The following PAMR1 variants were observed in gnomAD, a reference collection of about 807,000 sequenced individuals.
PAMR1 encodes peptidase domain containing associated with muscle regeneration 1, also known as inactive serine protease PAMR1.
A neutral mutation model predicts 81.8 loss-of-function variants in PAMR1; 88 were observed. The ratio of observed to expected loss-of-function variants is 1.08; its 90% confidence interval spans 0.91 to 1.28. The LOEUF (loss-of-function observed/expected upper bound fraction) is 1.28. PAMR1 is among the 50% of genes most tolerant of loss of function. The pLI, the probability that PAMR1 is intolerant of heterozygous loss-of-function variation, is 0.00. For synonymous variants in PAMR1, 336 were observed against 345.3 expected (o/e 0.97, Z 0.30); for missense variants, 935 against 919.7 (o/e 1.02, Z -0.21).
chr11:35,446,086 T>C (rs1856285620), intron 6 of PAMR1, among the ~76,000 whole-genome samples: 1 of 152,244 alleles, frequency 6.6e-6, no homozygotes, highest in South Asian at 2.1e-4. Flanking sequence ...CAGGAATTTA[T>C]CCATTTATCC....
intron 2 of PAMR1, among the ~76,000 whole-genome samples, chr11:35,492,970 C>G (rs1850657860): frequency 6.6e-6 from 1 of 152,224 alleles, no homozygotes; most frequent in South Asian, 2.1e-4. Context: ...ATTGTTTAAG[C>G]TTTCAGTGAC....
intron 3 of PAMR1, among the ~76,000 whole-genome samples, chr11:35,489,383 C>A (rs755479489): frequency 6.6e-6 from 1 of 152,168 alleles, no homozygotes; most frequent in East Asian, 1.9e-4. Flanking sequence ...TTCAGTGAGT[C>A]TTGAGTCCTG....
rs1201562087 is a variant in PAMR1 at position 35,458,311 on chromosome 11, C to T, written c.820+9690G>A. ...CTTTTAATCTCTATCCCATCTAATG[C>T]TCTATTTTTTTATTGTTCTTGTTCA... is the stretch of plus-strand genomic sequence containing the variant. On this transcript the variant is annotated intron_variant, in intron 6 of 10. Transcript: ENST00000619888. Among the ~76,000 whole-genome samples, 36 of 152,060 alleles carry T rather than the reference C, an allele frequency of 2.4e-4. 2 individuals are homozygous for T. Among genetic ancestry groups the T allele is most frequent in the Admixed American group, 2.4e-3 (36 of 15,264 alleles).
intron 2 of PAMR1, among the ~76,000 whole-genome samples, chr11:35,493,493 G>A (rs556509263): frequency 4.0e-5 from 6 of 151,814 alleles, no homozygotes; most frequent in East Asian, 1.9e-4. Context: ...TTCTCCTGCC[G>A]GACTGTGCTA....
intron 3 of PAMR1, among the ~76,000 whole-genome samples, chr11:35,478,980 C>A (rs1203109659): frequency 6.6e-6 from 1 of 152,152 alleles, no homozygotes; most frequent in Non-Finnish European, 1.5e-5. Flanking sequence ...GCTGGATAGT[C>A]CCTGCTTCTA....
Position 35,515,658 on chromosome 11 carries a change from A to G in PAMR1, c.73+9855T>C, listed in dbSNP as rs140487451. Among the ~76,000 whole-genome samples, 287 of 152,300 alleles carry G rather than the reference A, an allele frequency of 1.9e-3. 1 individual carries two copies. Among genetic ancestry groups the G allele is most frequent in the Middle Eastern group, 0.014 (4 of 292 alleles). On this transcript the variant is annotated intron_variant, in intron 1 of 10. Transcript: ENST00000619888. ...TCATTAGCCCAGAACCACCTGTTCT[A>G]TAAGACATTATCCCTCACATGCCTA...
chr11:35,488,407 A>G (rs634809), intron 3 of PAMR1, among the ~76,000 whole-genome samples: 130,186 of 151,678 alleles, frequency 0.86, 56,217 homozygotes, highest in African/African-American at 0.94. Flanking sequence ...ATTGTGTAGA[A>G]ACAGAATCTT....
intron 6 of PAMR1, chr11:35,452,053 T>G (rs570203406): frequency 2.2e-6 from 1 of 456,704 alleles, no homozygotes; most frequent in East Asian, 3.4e-5. Context: ...ATACAGACAA[T>G]AGAAACACAT....
rs182656404 is a variant in PAMR1 at position 35,450,276 on chromosome 11, C to T, written c.821-8583G>A. On this transcript the variant is annotated intron_variant, in intron 6 of 10. Transcript: ENST00000619888. The stretch of plus-strand genomic sequence containing the variant: ...AATCACCGGTTTGTCCACTCTAAGA[C>T]CGTCCATAGACTATGCGTAAGTTAA... Among the ~76,000 whole-genome samples, 16 of 152,242 alleles carry T rather than the reference C, an allele frequency of 1.1e-4. No homozygotes were observed. In the East Asian group the frequency reaches 2.7e-3, roughly 26 times the overall value.
intron 6 of PAMR1, among the ~76,000 whole-genome samples, chr11:35,457,555 A>G (rs1856562452): frequency 6.6e-6 from 1 of 152,146 alleles, no homozygotes; most frequent in Admixed American, 6.6e-5. Flanking sequence ...GAGAACCATG[A>G]CTAATACAAA....
At chr11:35,516,970 A>G (rs1851176301) in intron 1 of PAMR1, among the ~76,000 whole-genome samples, 1 of 152,180 alleles carries the variant, frequency 6.6e-6, no homozygotes, top group African/African-American at 2.4e-5. Context: ...AAGAGGTGGG[A>G]GAAGGGAGTG....
intron 1 of PAMR1, among the ~76,000 whole-genome samples, chr11:35,502,788 GTC>G (rs1473822845): frequency 6.6e-6 from 1 of 151,416 alleles, no homozygotes; most frequent in African/African-American, 2.4e-5. Flanking sequence ...TTCTGTGGTT[GTC>G]TCTTCAATTT....
chr11:35,432,796 G>A lies in PAMR1; in HGVS notation c.1723C>T (p.Arg575Ter), dbSNP rs762382127. ...KLLDKARIST[R>*]VQPICLAASR... ...GCAGCGAGGCAGATGGGCTGGACTC[G>A]GGTGCTGATACGGGCCTTGTCTAGG... The change falls in exon 11 of 11, where the codon CGA (arginine) becomes TGA (stop). Residue 575 changes from arginine to a stop codon, truncating the protein, a stop_gained. Transcript: ENST00000619888. LOFTEE classifies it high-confidence loss of function. 58 of 1,609,974 alleles carry A rather than the reference G, an allele frequency of 3.6e-5. No homozygotes were observed. The highest frequency in any genetic ancestry group is 4.1e-5 in the Non-Finnish European group (48 of 1,180,024).
chr11:35,525,625 AGAG>A (rs1851372865), upstream of PAMR1: 1 of 1,593,490 alleles, frequency 6.3e-7, no homozygotes. Flanking sequence ...CTGGGGAGGG[AGAG>A]GAGGGACCCA....
chr11:35,464,582 A>G (rs1856723927), intron 6 of PAMR1, among the ~76,000 whole-genome samples: 1 of 152,140 alleles, frequency 6.6e-6, no homozygotes, highest in Non-Finnish European at 1.5e-5. Flanking sequence ...ACATTGCCAA[A>G]TGTCCCCTGT....
intron 6 of PAMR1, among the ~76,000 whole-genome samples, chr11:35,446,284 C>A (rs572155669): frequency 1.5e-4 from 23 of 152,150 alleles, no homozygotes; most frequent in African/African-American, 5.5e-4. Flanking sequence ...ATTCAAAAAA[C>A]CAGCTCCTGG....
intron 10 of PAMR1, among the ~76,000 whole-genome samples, chr11:35,433,821 G>GGGATGGAGGGAT (rs1555029744): frequency 2.6e-4 from 39 of 149,534 alleles, no homozygotes; most frequent in African/African-American, 9.0e-4. Context: ...GAGGGATGGA[G>GGGATGGAGGGAT]GGATGGATGG....
chr11:35,479,979 T>C (rs970064847), intron 3 of PAMR1, among the ~76,000 whole-genome samples: 3 of 152,150 alleles, frequency 2.0e-5, no homozygotes, highest in African/African-American at 7.2e-5. Context: ...TCAGGAACAA[T>C]GACAAGTCCT....
intron 5 of PAMR1, among the ~76,000 whole-genome samples, chr11:35,469,948 A>T (rs1856820885): frequency 6.6e-6 from 1 of 152,186 alleles, no homozygotes; most frequent in African/African-American, 2.4e-5. Flanking sequence ...ATATGATCAC[A>T]GCAAGAGTTA....
Sources: allele counts gnomAD v4.1 joint callset (sites outside exome capture counted in the v4.1 genomes callset), GRCh38; gene constraint gnomAD v4.1.1; transcripts MANE v1.5; gene names NCBI Gene and HGNC (gene_info 2026-07-23, HGNC 2026-07-21).